Variants in B4GALT7 observed in about 807,000 individuals in gnomAD.
The protein encoded by B4GALT7 is beta-1,4-galactosyltransferase 7, also known as UDP-Gal:beta-GlcNAc beta-1,4-galactosyltransferase 7.
In B4GALT7, 30 loss-of-function variants were observed where a neutral mutation model predicts 33.0. That is an observed-to-expected ratio of 0.91 (90% CI 0.68 to 1.23). B4GALT7 has a LOEUF of 1.23. Ranked by LOEUF, B4GALT7 falls within the 50% of genes most tolerant of loss-of-function variation. The pLI is 0.00. For synonymous variants in B4GALT7, 213 were observed against 187.2 expected (o/e 1.14, Z -1.13); for missense variants, 507 against 450.8 (o/e 1.12, Z -1.13).
In B4GALT7 at chr5:177,604,163, C is replaced by G. The variant is rs1421999295; in HGVS notation, c.51-16C>G. 6.2e-7 allele frequency: 1 copy of G among 1,613,188 alleles called. No individual in the cohort carries two copies. The highest frequency in any genetic ancestry group is 8.5e-7 in the Non-Finnish European group (1 of 1,179,948). On this transcript the variant is annotated splice_polypyrimidine_tract_variant and intron_variant, in intron 1 of 5. Transcript: ENST00000029410. Reference sequence around the variant, plus strand: ...CCCTGCCCCGCCCTCCTGACCCTGTCCCGCGCTTGCTCCAGGTCCGGGTTG... The same window carrying G: ...CCCTGCCCCGCCCTCCTGACCCTGTGCCGCGCTTGCTCCAGGTCCGGGTTG...
Position 177,607,152 on chromosome 5 carries a change from C to T in B4GALT7, c.414-150C>T, listed in dbSNP as rs77560515. 0.12 allele frequency: 82,595 copies of T among 709,682 alleles called. 6,711 individuals are homozygous for T. Among genetic ancestry groups the T allele is most frequent in the East Asian group, 0.32 (11,767 of 36,912 alleles). 44.0% of individuals were successfully genotyped at this position (709,682 alleles called of 1,614,324 possible). A position where few individuals can be genotyped will look rare whatever the true frequency, so the allele number is the denominator to read the frequency against. On this transcript the variant is annotated intron_variant, in intron 2 of 5. Coordinates refer to ENST00000029410, the MANE Select transcript of B4GALT7 (RefSeq NM_007255.3). Reference sequence around the variant, plus strand: ...ACATAGTGGGTGCTTAGTAAATATGCGATGAGTGGAGGGACTGCCCCACAG... The same window carrying T: ...ACATAGTGGGTGCTTAGTAAATATGTGATGAGTGGAGGGACTGCCCCACAG...
rs746589510 is a variant in B4GALT7, at chr5:177,609,732, C to T, written c.*37C>T. The T allele has an allele frequency of 6.4e-7, 1 of 1,565,314 alleles. No homozygotes were observed. The highest frequency in any genetic ancestry group is 1.2e-5 in the South Asian group (1 of 86,544). On this transcript the variant is annotated 3_prime_UTR_variant, in exon 6 of 6. Coordinates refer to ENST00000029410, the MANE Select transcript of B4GALT7 (RefSeq NM_007255.3). ...AGTGAGGAAGCCTGTACCTACAGGC[C>T]ATATTGCTCAGGCTCAGGACAAGGC... is the stretch of plus-strand genomic sequence containing the variant.
chr5:177,602,906 G>A, intron 1 of B4GALT7: 1 of 897,642 alleles, frequency 1.1e-6, no homozygotes, highest in Non-Finnish European at 1.3e-6. Context: ...TTTATGAGAT[G>A]GAGTCTCGCT....
rs1218851123 is a variant in B4GALT7 at position 177,610,041 on chromosome 5, C to G, written c.*346C>G. 2.7e-6 allele frequency: 1 copy of G among 366,850 alleles called. No individual in the cohort carries two copies. The highest frequency in any genetic ancestry group is 6.3e-5 in the East Asian group (1 of 15,762). 22.7% of individuals were successfully genotyped at this position (366,850 alleles called of 1,614,324 possible). On this transcript the variant is annotated 3_prime_UTR_variant, in exon 6 of 6. Transcript: ENST00000029410. ...ACAGGACAACCTCTCATCACCCCCA[C>G]TTTTGTTCCTTCCTGCTGGGCTGCC... is the stretch of plus-strand genomic sequence containing the variant.
Position 177,608,487 on chromosome 5 carries a change from GCC to G in B4GALT7, c.640-42_640-41del, listed in dbSNP as rs71585644. 97 of 1,322,652 alleles carry G rather than the reference GCC, an allele frequency of 7.3e-5. 1 individual carries two copies. In the Middle Eastern group the frequency reaches 1.5e-3, roughly 21 times the overall value. 81.9% of individuals were successfully genotyped at this position (1,322,652 alleles called of 1,614,324 possible). A position where few individuals can be genotyped will look rare whatever the true frequency, so the allele number is the denominator to read the frequency against. The stretch of plus-strand genomic sequence containing the variant: ...ACTCCCGAGCGGTAGGAGACCAAAG[GCC>G]CCCCCCCCCGGGAAGATGGGCCGAG... On this transcript the variant is annotated intron_variant, in intron 3 of 5. Transcript: ENST00000029410. The surrounding 1 kb of genome is among the most constrained non-coding windows in gnomAD (Gnocchi z 4.1).
Position 177,608,408 on chromosome 5 carries a change from T to G in B4GALT7, c.640-131T>G. 1.3e-6 allele frequency: 1 copy of G among 779,574 alleles called. No individual in the cohort carries two copies. The highest frequency in any genetic ancestry group is 2.6e-5 in the East Asian group (1 of 38,478). 48.3% of individuals were successfully genotyped at this position (779,574 alleles called of 1,614,324 possible). Reference sequence around the variant, plus strand: ...CTTCCTGCCGCCCGCACTGCAGAAGTGCAGGAGCCTGCAAGCACCCGGGGC... The same window carrying G: ...CTTCCTGCCGCCCGCACTGCAGAAGGGCAGGAGCCTGCAAGCACCCGGGGC... On this transcript the variant is annotated intron_variant, in intron 3 of 5. Transcript: ENST00000029410. The surrounding 1 kb of genome is among the most constrained non-coding windows in gnomAD (Gnocchi z 4.1).
At chr5:177,602,494 T>G (rs531579076) in intron 1 of B4GALT7, among the ~76,000 whole-genome samples, 3 of 151,850 alleles carry the variant, frequency 2.0e-5, no homozygotes, top group East Asian at 3.9e-4. Flanking sequence ...GAAGATGCCG[T>G]GGGAATACAA....
intron 2 of B4GALT7, chr5:177,607,003 G>C (rs146976430): frequency 4.2e-6 from 2 of 477,380 alleles, no homozygotes; most frequent in East Asian, 8.2e-5. Context: ...CCCCCAGCAC[G>C]AACCACTGCT....
intron 1 of B4GALT7, 153 bp from the exon 2 acceptor site, chr5:177,604,026 T>C (rs1230327360): frequency 8.9e-7 from 1 of 1,119,220 alleles, no homozygotes; most frequent in African/African-American, 1.5e-5. Flanking sequence ...GGTAGTGGCA[T>C]GAGCAGAAAC....
chr5:177,605,136 C>A, intron 2 of B4GALT7: 2 of 413,894 alleles, frequency 4.8e-6, no homozygotes. Flanking sequence ...AGACCCCCCC[C>A]TTTTCCCTGC....
At chr5:177,605,809 ACCT>A (rs1425402373) in intron 2 of B4GALT7, 2 of 151,808 alleles carry the variant, frequency 1.3e-5, no homozygotes, top group Non-Finnish European at 2.9e-5. Flanking sequence ...TTTCTGGCAG[ACCT>A]CCTTCCCTTT....
At chr5:177,604,054 A>G (rs1767908043) in intron 1 of B4GALT7, 125 bp from the exon 2 acceptor site, 1 of 1,369,956 alleles carries the variant, frequency 7.3e-7, no homozygotes, top group African/African-American at 1.4e-5. Flanking sequence ...TTGCTTCTGT[A>G]CTAATTCCCA....
rs1767804866 is a variant in B4GALT7 at position 177,600,184 on chromosome 5, C to T, written c.-27C>T. 1.0e-5 allele frequency: 14 copies of T among 1,334,796 alleles called. No individual in the cohort carries two copies. The highest frequency in any genetic ancestry group is 1.3e-5 in the Non-Finnish European group (14 of 1,037,314). The allele number at this position is 1,334,796 out of a possible 1,614,324, so 82.7% of individuals were successfully genotyped here. A position where few individuals can be genotyped will look rare whatever the true frequency, so the allele number is the denominator to read the frequency against. ...GGGCCGGCCGGGCTGCGAGCGCCTGCCCCATGCGCCGCCGCCTCTCCGCAC... is the reference window on the plus strand; with the variant it reads ...GGGCCGGCCGGGCTGCGAGCGCCTGTCCCATGCGCCGCCGCCTCTCCGCAC... On this transcript the variant is annotated 5_prime_UTR_variant, in exon 1 of 6. Transcript: ENST00000029410. This position sits in a 1 kb window ranked among gnomAD's most constrained non-coding sequence, Gnocchi z 4.4.
chr5:177,606,174 C>G lies in B4GALT7; in HGVS notation c.414-1128C>G, dbSNP rs1159942777. 6.6e-6 allele frequency: 1 copy of G among 152,194 alleles called. No individual in the cohort carries two copies. The highest frequency in any genetic ancestry group is 1.5e-5 in the Non-Finnish European group (1 of 68,064). The allele number at this position is 152,194 out of a possible 1,614,324, so 9.4% of individuals were successfully genotyped here. The stretch of plus-strand genomic sequence containing the variant: ...ATCTCATGTCATCTCCAGCATTAAA[C>G]CACGTCTCTGATGATTCCTGAGGCT... On this transcript the variant is annotated intron_variant, in intron 2 of 5. Transcript: ENST00000029410. The surrounding 1 kb of genome is among the most constrained non-coding windows in gnomAD (Gnocchi z 4.2).
At chr5:177,607,980 G>C (rs1768063183) in intron 3 of B4GALT7, 1 of 255,496 alleles carries the variant, frequency 3.9e-6, no homozygotes, top group African/African-American at 2.2e-5. Context: ...AGCTGCACTG[G>C]CTCTTGATTG....
intron 1 of B4GALT7, among the ~76,000 whole-genome samples, chr5:177,601,044 C>A (rs188649223): frequency 6.6e-6 from 1 of 152,174 alleles, no homozygotes; most frequent in African/African-American, 2.4e-5. Context: ...AGTCTTCTCA[C>A]AGAACACATG....
chr5:177,604,022 G>A, intron 1 of B4GALT7, 157 bp from the exon 2 acceptor site: 1 of 1,080,566 alleles, frequency 9.3e-7, no homozygotes, highest in Non-Finnish European at 1.4e-6. Flanking sequence ...GCATGGTAGT[G>A]GCATGAGCAG....
chr5:177,604,091 C>T, intron 1 of B4GALT7, 88 bp from the exon 2 acceptor site: 4 of 1,576,834 alleles, frequency 2.5e-6, no homozygotes, highest in Middle Eastern at 2.1e-4. Flanking sequence ...GAGTTATGTG[C>T]AGCCTCCTCG....
In B4GALT7 at chr5:177,600,350, C is replaced by T; in HGVS notation, c.50+90C>T. Reference sequence around the variant, plus strand: ...GGAATCTGGGAACCCGAGGCCATCACGTCTCCATGTCTGCGGGTTTCTGTG... The same window carrying T: ...GGAATCTGGGAACCCGAGGCCATCATGTCTCCATGTCTGCGGGTTTCTGTG... On this transcript the variant is annotated intron_variant, in intron 1 of 5. Coordinates refer to ENST00000029410, the MANE Select transcript of B4GALT7 (RefSeq NM_007255.3). The surrounding 1 kb of genome is among the most constrained non-coding windows in gnomAD (Gnocchi z 4.4). 6 of 1,072,860 alleles carry T rather than the reference C, an allele frequency of 5.6e-6. No individual in the cohort carries two copies. Among genetic ancestry groups the T allele is most frequent in the Non-Finnish European group, 7.2e-6 (6 of 836,344 alleles). The allele number at this position is 1,072,860 out of a possible 1,614,324, so 66.5% of individuals were successfully genotyped here. A position where few individuals can be genotyped will look rare whatever the true frequency, so the allele number is the denominator to read the frequency against.
Sources: gnomAD v4.1 joint callset for allele counts (sites outside exome capture counted in the v4.1 genomes callset) on GRCh38, gnomAD v4.1.1 for gene constraint, Gnocchi (gnomAD v3.1) non-coding constraint, MANE v1.5 for transcripts, NCBI Gene and HGNC (gene_info 2026-07-23, HGNC 2026-07-21) for gene names.